RAP1A: variants seen among roughly 807,000 people sequenced by gnomAD.
The protein encoded by RAP1A is ras-related protein Rap-1A.
Under a neutral mutation model 26.4 loss-of-function variants are expected in RAP1A, and 6 were observed. The observed-to-expected ratio is 0.23, with a 90% CI of 0.12 to 0.45. RAP1A has a LOEUF of 0.45. RAP1A is among the 20% of genes least tolerant of loss of function. The probability of loss-of-function intolerance (pLI) is 0.99; values close to 1 mark genes in which losing one functional copy is unlikely to be tolerated. For synonymous variants in RAP1A, 73 were observed against 79.4 expected (o/e 0.92, Z 0.43); for missense variants, 121 against 217.2 (o/e 0.56, Z 2.78).
intron 1 of RAP1A, among the ~76,000 whole-genome samples, chr1:111,626,246 A>G (rs932119689): frequency 6.6e-6 from 1 of 152,236 alleles, no homozygotes; most frequent in Non-Finnish European, 1.5e-5. Context: ...GCTTATGAGT[A>G]TTAGACCAAA....
At chr1:111,646,492 G>T (rs1368985075) in intron 1 of RAP1A, among the ~76,000 whole-genome samples, 4 of 150,970 alleles carry the variant, frequency 2.6e-5, no homozygotes, top group Non-Finnish European at 5.9e-5. Context: ...CAGACTAAGG[G>T]AATAAGAATG....
chr1:111,659,990 T>C (rs1369213970), intron 1 of RAP1A, among the ~76,000 whole-genome samples: 2 of 152,226 alleles, frequency 1.3e-5, no homozygotes, highest in African/African-American at 4.8e-5. Flanking sequence ...TTGAACAAAC[T>C]GTATATGTTT....
intron 1 of RAP1A, among the ~76,000 whole-genome samples, chr1:111,611,385 T>C (rs1293485767): frequency 6.6e-6 from 1 of 152,166 alleles, no homozygotes; most frequent in Non-Finnish European, 1.5e-5. Context: ...CTAAAAGTTG[T>C]GTTAGCTCAG....
chr1:111,549,532 C>T (rs938449604), intron 1 of RAP1A, among the ~76,000 whole-genome samples: 1 of 151,684 alleles, frequency 6.6e-6, no homozygotes, highest in Non-Finnish European at 1.5e-5. Context: ...CGCCTGTAGT[C>T]CCAGCTACTA....
chr1:111,669,024 A>G (rs907198273), intron 1 of RAP1A, among the ~76,000 whole-genome samples: 2 of 68,560 alleles, frequency 2.9e-5, no homozygotes, highest in African/African-American at 1.1e-4. Flanking sequence ...ACCCTATCTC[A>G]AGAAAAAAAA....
chr1:111,651,044 C>T (rs539718456), intron 1 of RAP1A, among the ~76,000 whole-genome samples: 6 of 152,152 alleles, frequency 3.9e-5, no homozygotes, highest in South Asian at 2.1e-4. Flanking sequence ...CCTCGTGATC[C>T]GCCCGCCTCG....
intron 1 of RAP1A, among the ~76,000 whole-genome samples, chr1:111,589,879 C>T (rs1658437578): frequency 6.6e-6 from 1 of 152,048 alleles, no homozygotes; most frequent in South Asian, 2.1e-4. Flanking sequence ...TCCACCTCAG[C>T]CTCCTGAGTA....
At chr1:111,597,941 C>T (rs1270598418) in intron 1 of RAP1A, among the ~76,000 whole-genome samples, 1 of 152,178 alleles carries the variant, frequency 6.6e-6, no homozygotes, top group East Asian at 1.9e-4. Context: ...AATTATAAGA[C>T]AGCATACTAC....
rs189841450 is a variant in RAP1A, at chr1:111,691,336, C to T, written c.-25C>T. ...TGATTTTTTTGTTTGTTTTTCAGAT[C>T]GTCAGTATTTAAACAGATCACATCA... On this transcript the variant is annotated splice_region_variant and 5_prime_UTR_variant, in exon 2 of 8. Transcript: ENST00000369709. 1.5e-4 allele frequency: 244 copies of T among 1,600,234 alleles called. 1 individual carries two copies. In the South Asian group the frequency reaches 1.9e-3, roughly 12 times the overall value.
At chr1:111,569,586 A>G (rs890251009) in intron 1 of RAP1A, among the ~76,000 whole-genome samples, 4 of 151,820 alleles carry the variant, frequency 2.6e-5, no homozygotes, top group Admixed American at 2.6e-4. Flanking sequence ...GAGCTAGATT[A>G]TTCCTAGGCT....
At chr1:111,709,007 C>T (rs1205010610) in intron 6 of RAP1A, 142 bp from the exon 7 acceptor site, 10 of 1,099,806 alleles carry the variant, frequency 9.1e-6, no homozygotes, top group Non-Finnish European at 1.2e-5. Flanking sequence ...TGAAAGTCAG[C>T]AGAGCCTTCT....
intron 1 of RAP1A, among the ~76,000 whole-genome samples, chr1:111,638,878 T>C (rs912218742): frequency 4.6e-5 from 7 of 152,038 alleles, no homozygotes; most frequent in African/African-American, 1.4e-4. Context: ...TTTTTTTTTT[T>C]TAAGACAAGT....
At chr1:111,662,028 A>G (rs1660653374) in intron 1 of RAP1A, among the ~76,000 whole-genome samples, 1 of 152,144 alleles carries the variant, frequency 6.6e-6, no homozygotes, top group East Asian at 1.9e-4. Flanking sequence ...TCCTGTTCAA[A>G]CTGATTCATC....
At chr1:111,685,586 G>C (rs917178706) in intron 1 of RAP1A, among the ~76,000 whole-genome samples, 1 of 152,092 alleles carries the variant, frequency 6.6e-6, no homozygotes. Context: ...ACCATCTCAC[G>C]CCAGTTAGAA....
At position 111,674,281 on chromosome 1, in the gene RAP1A, G is replaced by A. The variant is rs576162125; in HGVS notation, c.-27-17053G>A. ...TAGCTGTCAGTATTTTTCTTTTCAT[G>A]GACATCACTTTTTTTTTTTTCATGG... is the stretch of plus-strand genomic sequence containing the variant. On this transcript the variant is annotated intron_variant, in intron 1 of 7. Transcript: ENST00000369709. 2.1e-4 allele frequency among the ~76,000 whole-genome samples: 29 copies of A among 140,478 alleles called. No homozygotes were observed. In the East Asian group the frequency reaches 6.0e-3, roughly 29 times the overall value. 92.2% of individuals were successfully genotyped at this position (140,478 alleles called of 152,430 possible).
chr1:111,549,925 T>G (rs977650444), intron 1 of RAP1A, among the ~76,000 whole-genome samples: 1 of 152,218 alleles, frequency 6.6e-6, no homozygotes, highest in Non-Finnish European at 1.5e-5. Flanking sequence ...AGTGCTGGAA[T>G]TACAGGCATG....
chr1:111,659,158 A>C (rs1362209623), intron 1 of RAP1A, among the ~76,000 whole-genome samples: 2 of 152,174 alleles, frequency 1.3e-5, no homozygotes, highest in African/African-American at 4.8e-5. Flanking sequence ...GATACATTTC[A>C]GTGTCCTCTG....
chr1:111,629,387 C>T (rs906861101), intron 1 of RAP1A, among the ~76,000 whole-genome samples: 7 of 152,016 alleles, frequency 4.6e-5, no homozygotes, highest in Non-Finnish European at 1.0e-4. Context: ...AGCAAGTTAG[C>T]CAGAGATTGA....
intron 1 of RAP1A, among the ~76,000 whole-genome samples, chr1:111,650,846 A>G (rs909009641): frequency 1.3e-5 from 2 of 151,644 alleles, no homozygotes; most frequent in African/African-American, 4.8e-5. Context: ...CCCAGGCTGG[A>G]GTACAGTGGC....
Sources: gnomAD v4.1 joint callset for allele counts (sites outside exome capture counted in the v4.1 genomes callset) on GRCh38, gnomAD v4.1.1 for gene constraint, MANE v1.5 for transcripts, NCBI Gene and HGNC (gene_info 2026-07-23, HGNC 2026-07-21) for gene names.